NQO2: variants seen among roughly 807,000 people sequenced by gnomAD.
The protein encoded by NQO2 is ribosyldihydronicotinamide dehydrogenase [quinone].
Under a neutral mutation model 22.0 loss-of-function variants are expected in NQO2, and 18 were observed. The ratio of observed to expected loss-of-function variants is 0.82; its 90% CI spans 0.56 to 1.21. NQO2 has a LOEUF of 1.21. NQO2 is among the 50% of genes most tolerant of loss of function. The pLI is 0.00. For synonymous variants in NQO2, 106 were observed against 110.8 expected (o/e 0.96, Z 0.28); for missense variants, 267 against 286.9 (o/e 0.93, Z 0.50).
intron 2 of NQO2, among the ~76,000 whole-genome samples, chr6:3,008,615 G>C (rs944102827): frequency 2.0e-5 from 3 of 152,184 alleles, no homozygotes; most frequent in Admixed American, 2.0e-4. Flanking sequence ...GCTGGGCGTA[G>C]TGGCACACAT....
In NQO2 at chr6:3,006,842, C is replaced by T. The variant is rs927984382; in HGVS notation, c.7+283C>T. 8.0e-5 allele frequency: 36 copies of T among 447,538 alleles called. No homozygotes were observed. The Middle Eastern group carries it at 1.7e-3, about 21-fold the overall frequency. 27.7% of individuals were successfully genotyped at this position (447,538 alleles called of 1,614,324 possible). ...ATTTAGGTTCCTCAAAAGTGGGGCC[C>T]TGCCTATCCTGTCTTTGCTGTGCCT... On this transcript the variant is annotated intron_variant, in intron 2 of 6. Transcript: ENST00000380455. The surrounding 1 kb of genome is among the most constrained non-coding windows in gnomAD (Gnocchi z 4.0).
rs1054844112 is a variant in NQO2 at position 3,017,020 on chromosome 6, GCACACGCA to G, written c.519+41_519+48del. ...CTGCGAGTGGCTCCCTTGCTTGTTG[GCACACGCA>G]CACACAGACACACACATGCACACAT... On this transcript the variant is annotated intron_variant, in intron 6 of 6. Coordinates refer to ENST00000380455, the MANE Select transcript of NQO2 (RefSeq NM_000904.6). 12 of 1,605,084 alleles carry G rather than the reference GCACACGCA, an allele frequency of 7.5e-6. No homozygotes were observed. In the African/African-American group the frequency reaches 1.6e-4, roughly 22 times the overall value.
chr6:3,005,660 T>C, intron 1 of NQO2: 53 of 985,370 alleles, frequency 5.4e-5, no homozygotes, highest in Non-Finnish European at 6.4e-5. Flanking sequence ...TGGAGTCTCC[T>C]TGTATCTCCC....
At position 3,009,829 on chromosome 6, in the gene NQO2, T is replaced by C. The variant is rs1009692018; in HGVS notation, c.8-196T>C. The C allele has an allele frequency of 7.8e-6, 5 of 642,536 alleles. No homozygotes were observed. In the African/African-American group the frequency reaches 9.9e-5, roughly 13 times the overall value. 39.8% of individuals were successfully genotyped at this position (642,536 alleles called of 1,614,324 possible). ...TTGCAGTGAGCTGAGATCATGCCAC[T>C]GCATTCCAGCCTGGGTGACAGAGTG... On this transcript the variant is annotated intron_variant, in intron 2 of 6. Transcript: ENST00000380455.
intron 1 of NQO2, chr6:3,002,262 A>G: frequency 1.0e-6 from 1 of 981,484 alleles, no homozygotes. Flanking sequence ...CCCAGTCTGC[A>G]GAAACACTGG....
At chr6:3,003,656 C>T (rs1325314768) in intron 1 of NQO2, 105 of 649,970 alleles carry the variant, frequency 1.6e-4, no homozygotes, top group Non-Finnish European at 2.0e-4. Context: ...TCCTTTCCTT[C>T]CTCACTGCCC....
intron 6 of NQO2, 72 bp downstream of exon 6, chr6:3,017,057 TAC>T (rs200479287): frequency 2.9e-4 from 442 of 1,511,674 alleles, no homozygotes; most frequent in Non-Finnish European, 3.1e-4. Context: ...CACACATGCA[TAC>T]ACACACACAC....
chr6:3,008,839 G>A (rs942029131), intron 2 of NQO2, among the ~76,000 whole-genome samples: 1 of 152,180 alleles, frequency 6.6e-6, no homozygotes, highest in African/African-American at 2.4e-5. Context: ...GTTTTTATTA[G>A]TGATTTTCCA....
At chr6:3,009,489 A>AT (rs1757072095) in intron 2 of NQO2, among the ~76,000 whole-genome samples, 1 of 152,250 alleles carries the variant, frequency 6.6e-6, no homozygotes. Context: ...GCTTATGAAG[A>AT]TGATGGGATT....
intron 1 of NQO2, chr6:3,004,391 T>C: frequency 8.1e-6 from 8 of 983,444 alleles, no homozygotes; most frequent in Non-Finnish European, 8.4e-6. Context: ...CAGAGCTGTC[T>C]GCCCTCTTGG....
In NQO2 at chr6:3,015,589, G is replaced by A. The variant is rs975720673; in HGVS notation, c.363G>A (p.Leu121=). 3.1e-6 allele frequency: 5 copies of A among 1,614,168 alleles called. No individual in the cohort carries two copies. Among genetic ancestry groups the A allele is most frequent in the Non-Finnish European group, 3.4e-6 (4 of 1,180,032 alleles). The stretch of plus-strand genomic sequence containing the variant: ...TGAAGGGCTGGATGGATAGGGTGCT[G>A]TGCCAGGGCTTTGCCTTTGACATCC... ...AILKGWMDRV[L]CQGFAFDIPG... The change falls in exon 5 of 7, where the codon CTG becomes CTA. Residue 121 remains leucine, a synonymous_variant. Coordinates refer to ENST00000380455, the MANE Select transcript of NQO2 (RefSeq NM_000904.6).
intron 1 of NQO2, among the ~76,000 whole-genome samples, chr6:3,002,875 C>T (rs1756786520): frequency 6.6e-6 from 1 of 152,022 alleles, no homozygotes; most frequent in Non-Finnish European, 1.5e-5. Flanking sequence ...AATCTCAGCC[C>T]CCTGAGTAGC....
At chr6:3,001,789 A>T (rs571025772) in intron 1 of NQO2, among the ~76,000 whole-genome samples, 9 of 152,330 alleles carry the variant, frequency 5.9e-5, no homozygotes, top group African/African-American at 2.2e-4. Context: ...ATACAGTTTA[A>T]TAACCACATG....
At chr6:3,009,938 T>G in intron 2 of NQO2, 87 bp from the exon 3 acceptor site, 15 of 1,512,134 alleles carry the variant, frequency 9.9e-6, no homozygotes, top group Non-Finnish European at 1.3e-5. Context: ...ATGATGCACC[T>G]GAACATTCAA....
chr6:3,010,148 C>T lies in NQO2; in HGVS notation c.131C>T (p.Ala44Val). The change falls in exon 3 of 7, where the codon GCC (alanine) becomes GTC (valine). Residue 44 changes from alanine (A) to valine (V), a missense_variant. Ala to Val is a moderately conservative substitution (Grantham distance 64). Transcript: ENST00000380455. ...ACCGTCACAGTGTCTGATTTGTATG[C>T]CATGAACCTTGAGCCGAGGGCCACA... ...GCTVTVSDLY[A>V]MNLEPRATDK... 2 of 1,613,544 alleles carry T rather than the reference C, an allele frequency of 1.2e-6. No individual in the cohort carries two copies. The highest frequency in any genetic ancestry group is 8.5e-7 in the Non-Finnish European group (1 of 1,179,690).
At chr6:3,009,906 A>G in intron 2 of NQO2, 119 bp from the exon 3 acceptor site, 1 of 1,437,592 alleles carries the variant, frequency 7.0e-7, no homozygotes, top group East Asian at 2.4e-5. Context: ...AGAAAATTTG[A>G]TATTTCTTAG....
At chr6:3,016,785 GT>G in intron 5 of NQO2, 98 bp from the exon 6 acceptor site, 2 of 1,536,372 alleles carry the variant, frequency 1.3e-6, no homozygotes, top group Non-Finnish European at 1.7e-6. Flanking sequence ...CCACACGCAT[GT>G]TCCCTGCTGG....
At chr6:3,005,927 G>A (rs1212078831) in intron 1 of NQO2, 2 of 476,594 alleles carry the variant, frequency 4.2e-6, no homozygotes, top group African/African-American at 4.2e-5. Flanking sequence ...CTGATGCGGG[G>A]GTCTCCTCTG....
chr6:3,008,247 G>A (rs1175938111), intron 2 of NQO2, among the ~76,000 whole-genome samples: 1 of 151,624 alleles, frequency 6.6e-6, no homozygotes. Flanking sequence ...GAGAAACCCG[G>A]TCTTAACTAA....
Sources: allele counts gnomAD v4.1 joint callset (sites outside exome capture counted in the v4.1 genomes callset), GRCh38; gene constraint gnomAD v4.1.1; non-coding constraint Gnocchi (gnomAD v3.1); transcripts MANE v1.5; gene names NCBI Gene and HGNC (gene_info 2026-07-23, HGNC 2026-07-21).